ADGRL2: variants seen among roughly 807,000 people sequenced by gnomAD.
ADGRL2 encodes the protein adhesion G protein-coupled receptor L2, also known as calcium-independent alpha-latrotoxin receptor 2.
ADGRL2 carries 44 observed loss-of-function variants against 157.4 expected under a neutral mutation model. That is an observed-to-expected ratio of 0.28 (90% confidence interval 0.22 to 0.36). ADGRL2 has a LOEUF of 0.36. Ranked by LOEUF, ADGRL2 falls within the 10% of genes least tolerant of loss-of-function variation. ADGRL2 has a pLI of 1.00. For synonymous variants in ADGRL2, 585 were observed against 624.7 expected (o/e 0.94, Z 0.95); for missense variants, 1,510 against 1,768.9 (o/e 0.85, Z 2.63).
In ADGRL2 at chr1:81,348,652, A is replaced by C. The variant is rs148949996; in HGVS notation, c.-302+42143A>C. On this transcript the variant is annotated intron_variant, in intron 1 of 24. Transcript: ENST00000370721. ...AGAATAAATAGCACCACCACCACCA[A>C]CAACAACAAAGAAAGGTCTAACAAT... 3.2e-3 allele frequency among the ~76,000 whole-genome samples: 494 copies of C among 152,286 alleles called. 5 individuals carry two copies. Among genetic ancestry groups the C allele is most frequent in the Non-Finnish European group, 3.9e-3 (264 of 68,018 alleles).
At chr1:81,954,868 C>CT (rs1652986171) in intron 10 of ADGRL2, among the ~76,000 whole-genome samples, 1 of 152,102 alleles carries the variant, frequency 6.6e-6, no homozygotes, top group Non-Finnish European at 1.5e-5. Context: ...TATTGTTGTT[C>CT]TTTTTGTACA....
chr1:81,333,762 CAAAA>C (rs35097540), intron 1 of ADGRL2, among the ~76,000 whole-genome samples: 3 of 111,972 alleles, frequency 2.7e-5, no homozygotes, highest in Admixed American at 9.7e-5. Flanking sequence ...GTTCCCTAAG[CAAAA>C]AAAAAAAAAA....
At chr1:81,589,059 CATT>C (rs1194892845) in intron 3 of ADGRL2, among the ~76,000 whole-genome samples, 1 of 152,108 alleles carries the variant, frequency 6.6e-6, no homozygotes, top group African/African-American at 2.4e-5. Context: ...GTATTCTAAT[CATT>C]GAGGACAGAG....
At position 81,625,917 on chromosome 1, in the gene ADGRL2, A is replaced by G. The variant is rs540644090; in HGVS notation, c.-143+44937A>G. On this transcript the variant is annotated intron_variant, in intron 3 of 24. Coordinates refer to the ADGRL2 transcript ENST00000370721. ...GAATTGTGGACTATATAGAGTTAAA[A>G]GTTCCTTATTTTAAAAAGCTGTCAG... 4.6e-5 allele frequency among the ~76,000 whole-genome samples: 7 copies of G among 152,316 alleles called. No homozygotes were observed. In the South Asian group the frequency reaches 6.2e-4, roughly 14 times the overall value.
At chr1:81,947,761 A>G (rs973928350) in intron 6 of ADGRL2, among the ~76,000 whole-genome samples, 3 of 152,184 alleles carry the variant, frequency 2.0e-5, no homozygotes, top group African/African-American at 7.2e-5. Flanking sequence ...TGGTATTGCT[A>G]AACTTAAACC....
At chr1:81,361,882 T>C (rs532424488) in intron 1 of ADGRL2, among the ~76,000 whole-genome samples, 2 of 152,000 alleles carry the variant, frequency 1.3e-5, no homozygotes, top group African/African-American at 2.4e-5. Context: ...TAGCTATCTA[T>C]AGATTTTTTT....
At chr1:81,534,271 C>T (rs945360846) in intron 2 of ADGRL2, among the ~76,000 whole-genome samples, 1 of 152,106 alleles carries the variant, frequency 6.6e-6, no homozygotes, top group African/African-American at 2.4e-5. Flanking sequence ...AAGTGATTCT[C>T]CTGCTTCAGC....
At chr1:81,967,702 G>C (rs918677032) in intron 13 of ADGRL2, among the ~76,000 whole-genome samples, 1 of 152,066 alleles carries the variant, frequency 6.6e-6, no homozygotes, top group Non-Finnish European at 1.5e-5. Flanking sequence ...AATTTTCTCA[G>C]AACAAATTTA....
At chr1:81,378,695 T>C (rs1338112452) in intron 1 of ADGRL2, among the ~76,000 whole-genome samples, 1 of 151,738 alleles carries the variant, frequency 6.6e-6, no homozygotes, top group Non-Finnish European at 1.5e-5. Flanking sequence ...TAACAACATA[T>C]ACCTCATTGG....
chr1:81,309,049 A>G (rs1341970399), intron 1 of ADGRL2, among the ~76,000 whole-genome samples: 2 of 152,130 alleles, frequency 1.3e-5, no homozygotes, highest in Non-Finnish European at 2.9e-5. Context: ...TTATCATCTT[A>G]AAAGGATGCT....
intron 1 of ADGRL2, among the ~76,000 whole-genome samples, chr1:81,351,497 C>T (rs1038090506): frequency 1.3e-5 from 2 of 151,668 alleles, no homozygotes; most frequent in Admixed American, 6.6e-5. Flanking sequence ...TTAAAGTCAA[C>T]AAGAAATAGA....
At chr1:81,470,324 C>A (rs2101862357) in intron 2 of ADGRL2, among the ~76,000 whole-genome samples, 1 of 152,284 alleles carries the variant, frequency 6.6e-6, no homozygotes, top group East Asian at 1.9e-4. Flanking sequence ...CCTGCATCAA[C>A]TGAGCTTTGT....
chr1:81,411,314 A>G (rs549159863), intron 1 of ADGRL2, among the ~76,000 whole-genome samples: 3 of 152,368 alleles, frequency 2.0e-5, no homozygotes, highest in African/African-American at 7.2e-5. Flanking sequence ...GCCTTAGATT[A>G]GCCATTATAA....
intron 2 of ADGRL2, among the ~76,000 whole-genome samples, chr1:81,493,129 CAG>C (rs2078666655): frequency 6.6e-6 from 1 of 152,142 alleles, no homozygotes; most frequent in Non-Finnish European, 1.5e-5. Context: ...TTCTAAGAAG[CAG>C]AGTCATTCAG....
intron 1 of ADGRL2, among the ~76,000 whole-genome samples, chr1:81,331,569 C>A (rs569087134): frequency 1.4e-4 from 21 of 152,172 alleles, no homozygotes; most frequent in African/African-American, 4.6e-4. Context: ...AAACTTTACT[C>A]CCTCGCTACT....
At chr1:81,350,822 T>G (rs1361122424) in intron 1 of ADGRL2, among the ~76,000 whole-genome samples, 2 of 152,156 alleles carry the variant, frequency 1.3e-5, no homozygotes, top group Admixed American at 1.3e-4. Context: ...GTGACTTGCA[T>G]GTTGACATTA....
chr1:81,772,887 C>A (rs1415135158), intron 2 of ADGRL2, among the ~76,000 whole-genome samples: 1 of 151,844 alleles, frequency 6.6e-6, no homozygotes, highest in East Asian at 1.9e-4. Flanking sequence ...TAGACAGAAA[C>A]CATTTAGCAC....
intron 1 of ADGRL2, among the ~76,000 whole-genome samples, chr1:81,336,572 A>G (rs1290371313): frequency 6.6e-6 from 1 of 152,110 alleles, no homozygotes; most frequent in Non-Finnish European, 1.5e-5. Context: ...CACTAGACCT[A>G]TATATGTATG....
intron 1 of ADGRL2, among the ~76,000 whole-genome samples, chr1:81,317,749 A>T (rs1442129468): frequency 6.6e-6 from 1 of 152,168 alleles, no homozygotes; most frequent in Non-Finnish European, 1.5e-5. Context: ...TGAAACAATC[A>T]TTTGTAAGTA....
Sources: gnomAD v4.1 joint callset for allele counts (sites outside exome capture counted in the v4.1 genomes callset) on GRCh38, gnomAD v4.1.1 for gene constraint, MANE v1.5 for transcripts, NCBI Gene and HGNC (gene_info 2026-07-23, HGNC 2026-07-21) for gene names.